Variants in ELFN1 observed in about 807,000 individuals in gnomAD.
ELFN1 encodes the protein extracellular leucine rich repeat and fibronectin type III domain containing 1, also known as protein ELFN1.
ELFN1 carries 6 observed loss-of-function variants against 7.6 expected under a neutral mutation model. That is an observed-to-expected ratio of 0.79 (90% CI 0.43 to 1.56). The LOEUF is 1.56. ELFN1 is among the 40% of genes most tolerant of loss of function. ELFN1 has a pLI of 0.01. For synonymous variants in ELFN1, 657 were observed against 588.1 expected (o/e 1.12, Z -1.70); for missense variants, 1,169 against 1,232.2 (o/e 0.95, Z 0.77).
intron 1 of ELFN1, among the ~76,000 whole-genome samples, chr7:1,681,266 C>T (rs1033511181): frequency 6.6e-6 from 1 of 152,246 alleles, no homozygotes; most frequent in Non-Finnish European, 1.5e-5. Context: ...GCATGTGTGT[C>T]CAGCGTGGGG....
intron 3 of ELFN1, among the ~76,000 whole-genome samples, chr7:1,731,348 A>G (rs570160903): frequency 6.6e-6 from 1 of 152,374 alleles, no homozygotes; most frequent in African/African-American, 2.4e-5. Flanking sequence ...AGAAACGCAG[A>G]AAAGGGAGAA....
chr7:1,680,737 ATT>A (rs967183963), intron 1 of ELFN1, among the ~76,000 whole-genome samples: 91 of 128,876 alleles, frequency 7.1e-4, no homozygotes, highest in Middle Eastern at 4.1e-3. Context: ...TGGATTTACA[ATT>A]TTTTTTTTTT....
chr7:1,743,632 G>A (rs561924686), intron 3 of ELFN1, among the ~76,000 whole-genome samples: 5 of 152,154 alleles, frequency 3.3e-5, no homozygotes, highest in Non-Finnish European at 7.4e-5. Context: ...ACGAGTCCCC[G>A]GACAGGCCAG....
intron 2 of ELFN1, among the ~76,000 whole-genome samples, chr7:1,704,094 AAGTCAGCC>A (rs1779481823): frequency 6.6e-6 from 1 of 152,206 alleles, no homozygotes; most frequent in African/African-American, 2.4e-5. Context: ...ATGGTTCTGC[AAGTCAGCC>A]CATGGGAGGG....
chr7:1,731,356 G>A (rs1189705022), intron 3 of ELFN1, among the ~76,000 whole-genome samples: 1 of 152,230 alleles, frequency 6.6e-6, no homozygotes, highest in Non-Finnish European at 1.5e-5. Flanking sequence ...AGAAAAGGGA[G>A]AATGATGAAG....
At chr7:1,721,340 A>G (rs1780015932) in intron 3 of ELFN1, among the ~76,000 whole-genome samples, 1 of 152,194 alleles carries the variant, frequency 6.6e-6, no homozygotes, top group Non-Finnish European at 1.5e-5. Flanking sequence ...TTTCCCTCTC[A>G]GGGCCTAAGT....
At chr7:1,717,928 C>T (rs984885380) in intron 3 of ELFN1, among the ~76,000 whole-genome samples, 5 of 152,132 alleles carry the variant, frequency 3.3e-5, no homozygotes, top group South Asian at 2.1e-4. Flanking sequence ...CTCCTCTGAG[C>T]GAGAAGCCTC....
chr7:1,702,541 A>C (rs1398839913), intron 2 of ELFN1, among the ~76,000 whole-genome samples: 1 of 151,166 alleles, frequency 6.6e-6, no homozygotes, highest in Non-Finnish European at 1.5e-5. Flanking sequence ...CAAGTTCCAC[A>C]AAAAGAAAAA....
In ELFN1 at chr7:1,745,896, G is replaced by C; in HGVS notation, c.1300G>C (p.Gly434Arg). The C allele has an allele frequency of 1.3e-6, 2 of 1,588,238 alleles. No individual in the cohort carries two copies. Among genetic ancestry groups the C allele is most frequent in the South Asian group, 1.1e-5 (1 of 87,620 alleles). The change falls in exon 4 of 4, where the codon GGC becomes CGC. Residue 434 changes from glycine to arginine, a missense_variant. Gly to Arg is a moderately radical substitution (Grantham distance 125). Around this residue, in one of 2 missense-constraint regions of ELFN1, gnomAD observed 914 missense variants for 872.6 expected, o/e 1.05. Coordinates refer to ENST00000424383, the MANE Select transcript of ELFN1 (RefSeq NM_001128636.4). ...GCLFGMVLVL[G>R]AVYYCLRRRR... ...CCTCTTCGGCATGGTGCTGGTGCTG[G>C]GCGCCGTCTACTACTGCCTGCGCAG...
At chr7:1,702,754 G>A in intron 2 of ELFN1, among the ~76,000 whole-genome samples, 1 of 151,266 alleles carries the variant, frequency 6.6e-6, no homozygotes. Context: ...TAATCACATT[G>A]TCTGTGAATA....
At chr7:1,727,596 A>G (rs1455234898) in intron 3 of ELFN1, among the ~76,000 whole-genome samples, 1 of 151,790 alleles carries the variant, frequency 6.6e-6, no homozygotes, top group Non-Finnish European at 1.5e-5. Context: ...CTCCCTTCCA[A>G]TATTCTGTCT....
rs1448235731 is a variant in ELFN1 at position 1,745,485 on chromosome 7, G to A, written c.889G>A (p.Gly297Arg). 5.2e-6 allele frequency: 8 copies of A among 1,543,022 alleles called. No homozygotes were observed. The highest frequency in any genetic ancestry group is 1.2e-5 in the South Asian group (1 of 84,006). The change falls in exon 4 of 4, where the codon GGG becomes AGG. Residue 297 changes from glycine (G) to arginine (R), a missense_variant. Coordinates refer to ENST00000424383, the MANE Select transcript of ELFN1 (RefSeq NM_001128636.4). ...CTGTGCCGATGATGAGTGCTTCTCCGGGGACGGCACCACGCCACTGGTGGC... is the reference window on the plus strand; with the variant it reads ...CTGTGCCGATGATGAGTGCTTCTCCAGGGACGGCACCACGCCACTGGTGGC... ...MPCADDECFS[G>R]DGTTPLVALP...
chr7:1,697,228 G>A (rs951391295), intron 2 of ELFN1, among the ~76,000 whole-genome samples: 4 of 152,048 alleles, frequency 2.6e-5, no homozygotes, highest in Non-Finnish European at 5.9e-5. Context: ...GTCTAGAGGG[G>A]AAAGGGGAGG....
At chr7:1,737,471 G>A (rs764651501) in intron 3 of ELFN1, among the ~76,000 whole-genome samples, 6 of 152,170 alleles carry the variant, frequency 3.9e-5, no homozygotes, top group Non-Finnish European at 7.3e-5. Flanking sequence ...TCTGCTGTCC[G>A]AGGCGGGTGG....
intron 2 of ELFN1, chr7:1,693,122 GC>G (rs1442700290): frequency 8.4e-5 from 29 of 346,046 alleles, no homozygotes; most frequent in Non-Finnish European, 1.1e-4. Context: ...AGGGGTGCAG[GC>G]CCCCAGGAAG....
chr7:1,703,756 G>T (rs879351283), intron 2 of ELFN1, among the ~76,000 whole-genome samples: 1 of 152,198 alleles, frequency 6.6e-6, no homozygotes, highest in African/African-American at 2.4e-5. Context: ...GGCAGCCTCT[G>T]CCTGAGTTTC....
chr7:1,716,214 C>T (rs928976404), intron 3 of ELFN1, among the ~76,000 whole-genome samples: 1 of 152,244 alleles, frequency 6.6e-6, no homozygotes, highest in Admixed American at 6.5e-5. Context: ...CCCTGAGGTC[C>T]TACTACCCTG....
chr7:1,741,161 C>T (rs1019906319), intron 3 of ELFN1, among the ~76,000 whole-genome samples: 1 of 148,592 alleles, frequency 6.7e-6, no homozygotes, highest in Admixed American at 6.7e-5. Context: ...AGAAAGAAAA[C>T]TTTGGGGTCC....
intron 2 of ELFN1, among the ~76,000 whole-genome samples, chr7:1,707,220 T>C (rs1779552962): frequency 6.6e-6 from 1 of 152,236 alleles, no homozygotes; most frequent in African/African-American, 2.4e-5. Context: ...GATGTCTGGC[T>C]GTTCCGCTTT....
Sources: allele counts gnomAD v4.1 joint callset (sites outside exome capture counted in the v4.1 genomes callset), GRCh38; gene constraint gnomAD v4.1.1; regional missense constraint gnomAD v4.1.1; transcripts MANE v1.5; gene names NCBI Gene and HGNC (gene_info 2026-07-23, HGNC 2026-07-21).